Variants in DDX43 observed in about 807,000 individuals in gnomAD.
DDX43 encodes probable ATP-dependent RNA helicase DDX43.
A neutral mutation model predicts 84.9 loss-of-function variants in DDX43; 50 were observed. The observed-to-expected ratio is 0.59, with a 90% CI of 0.47 to 0.75. DDX43 has a LOEUF of 0.75. DDX43 is among the 30% of genes least tolerant of loss of function. The probability of loss-of-function intolerance (pLI) is 0.00; values close to 1 mark genes in which losing one functional copy is unlikely to be tolerated. For missense variants in DDX43, 689 were observed against 798.6 expected, an observed-to-expected ratio of 0.86 and a Z score of 1.65; for synonymous variants, 291 against 266.3, an observed-to-expected ratio of 1.09 and a Z score of -0.90.
chr6:73,401,827 A>C (rs751130084), intron 3 of DDX43, 32 bp from the exon 4 acceptor site: 1 of 1,565,262 alleles, frequency 6.4e-7, no homozygotes, highest in Non-Finnish European at 8.6e-7. Flanking sequence ...AAAAAATAGA[A>C]AAAAACTAAT....
chr6:73,407,685 C>T, intron 8 of DDX43, 70 bp downstream of exon 8: 2 of 1,132,954 alleles, frequency 1.8e-6, no homozygotes, highest in Non-Finnish European at 2.6e-6. Context: ...ACACATCTTC[C>T]CCATCATTTT....
chr6:73,397,448 A>G (rs1769494208), intron 1 of DDX43, among the ~76,000 whole-genome samples: 1 of 152,134 alleles, frequency 6.6e-6, no homozygotes, highest in Non-Finnish European at 1.5e-5. Context: ...GGACCCAATT[A>G]AGTTTTGTGC....
At position 73,408,032 on chromosome 6, in the gene DDX43, T is replaced by C. The variant is rs1333841032; in HGVS notation, c.1110T>C (p.Ile370=). ...TTAAAAAAGGTGTAGATATCATAAT[T>C]GCAACTCCCGGAAGATTGAATGATC... is the stretch of plus-strand genomic sequence containing the variant. ...EELKKGVDII[I]ATPGRLNDLQ... The change falls in exon 9 of 17, where the codon ATT becomes ATC. Residue 370 remains isoleucine, a synonymous_variant. Coordinates refer to ENST00000370336, the MANE Select transcript of DDX43 (RefSeq NM_018665.3). 6.2e-7 allele frequency: 1 copy of C among 1,613,864 alleles called. No individual in the cohort carries two copies. Among genetic ancestry groups the C allele is most frequent in the Admixed American group, 1.7e-5 (1 of 60,000 alleles).
intron 11 of DDX43, among the ~76,000 whole-genome samples, chr6:73,412,669 G>A (rs1769816748): frequency 3.4e-5 from 1 of 29,258 alleles, no homozygotes; most frequent in South Asian, 1.2e-3. Flanking sequence ...GTGTGTGTGT[G>A]CGCGCGCGCG....
chr6:73,407,521 A>C lies in DDX43; in HGVS notation c.943A>C (p.Asn315His). Residue 315 changes from asparagine to histidine, a missense_variant, in exon 8 of 17, where the codon AAT becomes CAT. Asn to His is a moderately conservative substitution (Grantham distance 68). Coordinates refer to ENST00000370336, the MANE Select transcript of DDX43 (RefSeq NM_018665.3). ...VLQPSLKGQR[N>H]RPGMLVLTPT... ...TCTCCAAAGCCTTAAAGGTCAAAGG[A>C]ATAGACCCGGCATGTTAGTTCTAAC... 6.2e-7 allele frequency: 1 copy of C among 1,611,486 alleles called. No homozygotes were observed. Among genetic ancestry groups the C allele is most frequent in the Non-Finnish European group, 8.5e-7 (1 of 1,177,710 alleles).
rs772771709 is a variant in DDX43, at chr6:73,394,863, G to A, written c.-43G>A. ...TACGACGTCACGGTCAGGTGGTGCA[G>A]AGCTGGACGGCAACGACGTCGGACG... On this transcript the variant is annotated 5_prime_UTR_variant, in exon 1 of 17. Transcript: ENST00000370336. 1.2e-6 allele frequency: 2 copies of A among 1,604,584 alleles called. No homozygotes were observed. Among genetic ancestry groups the A allele is most frequent in the African/African-American group, 1.3e-5 (1 of 74,894 alleles).
At position 73,395,067 on chromosome 6, in the gene DDX43, C is replaced by T. The variant is rs764941098; in HGVS notation, c.162C>T (p.Thr54=). 27 of 1,613,002 alleles carry T rather than the reference C, an allele frequency of 1.7e-5. No homozygotes were observed. The South Asian group carries it at 2.3e-4, about 14-fold the overall frequency. The part of the protein sequence containing the change: ...SVGRGGRWRG[T]SRPPEAVAAG... The stretch of plus-strand genomic sequence containing the variant: ...GCAGAGGTGGTCGCTGGAGAGGCAC[C>T]TCTAGGCCCCCGGAGGCCGTGGCCG... The change falls in exon 1 of 17, where the codon ACC becomes ACT. Residue 54 remains threonine, a synonymous_variant. Coordinates refer to ENST00000370336, the MANE Select transcript of DDX43 (RefSeq NM_018665.3).
In DDX43 at chr6:73,414,618, C is replaced by T; in HGVS notation, c.1677C>T (p.Val559=). The stretch of plus-strand genomic sequence containing the variant: ...TTGATGTCCATGACGTTACACATGT[C>T]TATAATTTTGACTTTCCACGGAATA... The part of the protein sequence containing the change: ...RGLDVHDVTH[V]YNFDFPRNIE... The change falls in exon 14 of 17, where the codon GTC becomes GTT. Residue 559 remains valine, a synonymous_variant. Transcript: ENST00000370336. 1.9e-6 allele frequency: 3 copies of T among 1,613,588 alleles called. No homozygotes were observed. Among genetic ancestry groups the T allele is most frequent in the Non-Finnish European group, 2.5e-6 (3 of 1,179,598 alleles).
rs764941098 is a variant in DDX43 at position 73,395,067 on chromosome 6, C to G, written c.162C>G (p.Thr54=). The G allele has an allele frequency of 5.6e-6, 9 of 1,613,002 alleles. No individual in the cohort carries two copies. The African/African-American group carries it at 1.2e-4, about 22-fold the overall frequency. ...GCAGAGGTGGTCGCTGGAGAGGCACCTCTAGGCCCCCGGAGGCCGTGGCCG... is the reference window on the plus strand; with the variant it reads ...GCAGAGGTGGTCGCTGGAGAGGCACGTCTAGGCCCCCGGAGGCCGTGGCCG... ...SVGRGGRWRG[T]SRPPEAVAAG... is the part of the protein sequence containing the mutation. The change falls in exon 1 of 17, where the codon ACC becomes ACG. Residue 54 remains threonine, a synonymous_variant. Coordinates refer to ENST00000370336, the MANE Select transcript of DDX43 (RefSeq NM_018665.3).
At chr6:73,415,129 C>T (rs988640103) in intron 14 of DDX43, among the ~76,000 whole-genome samples, 1 of 152,070 alleles carries the variant, frequency 6.6e-6, no homozygotes, top group Non-Finnish European at 1.5e-5. Context: ...AACCCCGTCT[C>T]TACTAAAAAT....
intron 11 of DDX43, chr6:73,413,454 A>G (rs1769842712): frequency 1.7e-5 from 7 of 423,534 alleles, no homozygotes. Flanking sequence ...AAGGAATGGT[A>G]CCAATAGTAT....
chr6:73,406,261 A>T, intron 6 of DDX43, 103 bp from the exon 7 acceptor site: 1 of 714,078 alleles, frequency 1.4e-6, no homozygotes, highest in Non-Finnish European at 2.4e-6. Flanking sequence ...ACCTCAGGAG[A>T]TCTGCCCGCC....
intron 2 of DDX43, 110 bp from the exon 3 acceptor site, chr6:73,400,117 TTATACTG>T: frequency 1.3e-6 from 1 of 796,644 alleles, no homozygotes; most frequent in Non-Finnish European, 1.9e-6. Context: ...TGTATTTACT[TTATACTG>T]TAATAGATTT....
chr6:73,400,918 A>G (rs992428682), intron 3 of DDX43, among the ~76,000 whole-genome samples: 2 of 152,210 alleles, frequency 1.3e-5, no homozygotes, highest in Admixed American at 1.3e-4. Flanking sequence ...TTGGGGAAAA[A>G]GACAAGGTCT....
chr6:73,415,141 C>CA (rs1769877043), intron 14 of DDX43, among the ~76,000 whole-genome samples: 1 of 151,968 alleles, frequency 6.6e-6, no homozygotes, highest in East Asian at 1.9e-4. Flanking sequence ...ACTAAAAATA[C>CA]AAAAAATTGA....
intron 4 of DDX43, among the ~76,000 whole-genome samples, chr6:73,404,437 T>C (rs1769635690): frequency 6.6e-6 from 1 of 152,130 alleles, no homozygotes; most frequent in African/African-American, 2.4e-5. Context: ...AGGGTGTCAC[T>C]ATTTTGCCCA....
chr6:73,394,885 G>A lies in DDX43; in HGVS notation c.-21G>A. 3 of 1,612,726 alleles carry A rather than the reference G, an allele frequency of 1.9e-6. No homozygotes were observed. Among genetic ancestry groups the A allele is most frequent in the Non-Finnish European group, 2.5e-6 (3 of 1,179,148 alleles). On this transcript the variant is annotated 5_prime_UTR_variant, in exon 1 of 17. Coordinates refer to ENST00000370336, the MANE Select transcript of DDX43 (RefSeq NM_018665.3). ...GCAGAGCTGGACGGCAACGACGTCG[G>A]ACGCGCCCCTTCTTGGAACAATGTC... is the stretch of plus-strand genomic sequence containing the variant.
Position 73,405,799 on chromosome 6 carries a change from T to C in DDX43, c.771T>C (p.Ile257=). Residue 257 remains isoleucine (I), a synonymous_variant, in exon 6 of 17, where the codon ATT becomes ATC. Transcript: ENST00000370336. ...FQCYPEVMEN[I]KKAGFQKPTP... is the part of the protein sequence containing the mutation. Reference sequence around the variant, plus strand: ...GTTATCCTGAGGTTATGGAAAACATTAAAAAGGCAGGTTTTCAAAAGCCAA... The same window carrying C: ...GTTATCCTGAGGTTATGGAAAACATCAAAAAGGCAGGTTTTCAAAAGCCAA... The C allele has an allele frequency of 6.2e-7, 1 of 1,614,074 alleles. No homozygotes were observed. The highest frequency in any genetic ancestry group is 8.5e-7 in the Non-Finnish European group (1 of 1,179,992).
chr6:73,415,616 T>G, intron 15 of DDX43, 32 bp downstream of exon 15: 1 of 1,473,742 alleles, frequency 6.8e-7, no homozygotes, highest in Non-Finnish European at 9.4e-7. Context: ...GAAATCTACC[T>G]GTTATCAGTA....
Sources: allele counts gnomAD v4.1 joint callset (sites outside exome capture counted in the v4.1 genomes callset), GRCh38; gene constraint gnomAD v4.1.1; transcripts MANE v1.5; gene names NCBI Gene and HGNC (gene_info 2026-07-23, HGNC 2026-07-21).